The following CDH13 variants were observed in gnomAD, a reference collection of about 807,000 sequenced individuals.
CDH13 encodes cadherin 13.
In CDH13, 24 loss-of-function variants were observed where a neutral mutation model predicts 63.8. The observed-to-expected ratio is 0.38, with a 90% CI of 0.27 to 0.53. The LOEUF (loss-of-function observed/expected upper bound fraction) is 0.53, where lower values mean the gene tolerates loss of function less well. CDH13 is among the 20% of genes least tolerant of loss of function. The probability of loss-of-function intolerance (pLI) is 0.85; values close to 1 mark genes in which losing one functional copy is unlikely to be tolerated. For synonymous variants in CDH13, 503 were observed against 355.3 expected, an observed-to-expected ratio of 1.42 and a Z score of -4.67; for missense variants, 1,049 against 903.1, an observed-to-expected ratio of 1.16 and a Z score of -2.07.
chr16:83,131,031 C>G (rs2036021059), intron 4 of CDH13, among the ~76,000 whole-genome samples: 1 of 152,192 alleles, frequency 6.6e-6, no homozygotes, highest in Admixed American at 6.5e-5. Flanking sequence ...ATTTATCTGT[C>G]TGCCAAGTAA....
intron 6 of CDH13, among the ~76,000 whole-genome samples, chr16:83,464,593 C>A (rs913540719): frequency 6.6e-6 from 1 of 152,114 alleles, no homozygotes; most frequent in Non-Finnish European, 1.5e-5. Flanking sequence ...CTCCTGACCT[C>A]AGGTGATCCA....
chr16:83,786,388 G>C (rs1429532473), intron 13 of CDH13, among the ~76,000 whole-genome samples: 1 of 152,130 alleles, frequency 6.6e-6, no homozygotes, highest in East Asian at 1.9e-4. Flanking sequence ...GAATTCCTGA[G>C]CTCAGTGCCC....
At chr16:83,034,413 C>G (rs989830871) in intron 3 of CDH13, among the ~76,000 whole-genome samples, 8 of 152,178 alleles carry the variant, frequency 5.3e-5, no homozygotes, top group African/African-American at 1.9e-4. Flanking sequence ...TCAGAGGAAA[C>G]TGGATATTGG....
chr16:82,982,398 A>C (rs1165987605), intron 2 of CDH13, among the ~76,000 whole-genome samples: 2 of 152,210 alleles, frequency 1.3e-5, no homozygotes, highest in African/African-American at 2.4e-5. Context: ...AAATACCACA[A>C]ATTTATTATC....
At chr16:83,285,668 G>A (rs1057468966) in intron 5 of CDH13, among the ~76,000 whole-genome samples, 2 of 152,142 alleles carry the variant, frequency 1.3e-5, no homozygotes, top group African/African-American at 2.4e-5. Flanking sequence ...GTTGCATGCC[G>A]ATACTTTGCC....
intron 5 of CDH13, among the ~76,000 whole-genome samples, chr16:83,262,839 G>A (rs555016280): frequency 4.6e-5 from 7 of 152,086 alleles, no homozygotes; most frequent in South Asian, 2.1e-4. Flanking sequence ...TTCTCCCAAC[G>A]CTTTTATGTT....
chr16:83,784,173 G>A (rs1056268860), intron 13 of CDH13, among the ~76,000 whole-genome samples: 5 of 152,166 alleles, frequency 3.3e-5, no homozygotes, highest in African/African-American at 4.8e-5. Flanking sequence ...TTTTGAGAAC[G>A]TATCGGTGTA....
At chr16:83,502,867 A>T (rs2074312882) in intron 7 of CDH13, among the ~76,000 whole-genome samples, 1 of 152,220 alleles carries the variant, frequency 6.6e-6, no homozygotes, top group Non-Finnish European at 1.5e-5. Flanking sequence ...TTTCTCAGGC[A>T]TCTCCATCGA....
intron 4 of CDH13, among the ~76,000 whole-genome samples, chr16:83,134,255 C>G (rs1286147265): frequency 6.6e-6 from 1 of 152,078 alleles, no homozygotes; most frequent in Non-Finnish European, 1.5e-5. Flanking sequence ...TGCAGTGGCA[C>G]AATCTTGGCT....
At chr16:82,732,336 A>G (rs1030897375) in intron 1 of CDH13, among the ~76,000 whole-genome samples, 14 of 152,202 alleles carry the variant, frequency 9.2e-5, no homozygotes, top group African/African-American at 3.1e-4. Context: ...GTTAAGTACT[A>G]ATTCAGCAAG....
chr16:83,717,604 A>G (rs1419817433), intron 10 of CDH13, among the ~76,000 whole-genome samples: 1 of 152,236 alleles, frequency 6.6e-6, no homozygotes, highest in African/African-American at 2.4e-5. Flanking sequence ...TCTTCATTTA[A>G]TGATCACGGG....
At chr16:82,915,258 G>T (rs575985959) in intron 2 of CDH13, among the ~76,000 whole-genome samples, 6 of 152,120 alleles carry the variant, frequency 3.9e-5, no homozygotes. Flanking sequence ...ATTTAATATC[G>T]CAAGAGTCTA....
At chr16:83,007,329 A>G (rs1261922273) in intron 2 of CDH13, among the ~76,000 whole-genome samples, 1 of 152,220 alleles carries the variant, frequency 6.6e-6, no homozygotes, top group African/African-American at 2.4e-5. Context: ...AGTCTTCACT[A>G]TAATCCATGA....
intron 8 of CDH13, among the ~76,000 whole-genome samples, chr16:83,610,536 C>G (rs1186974822): frequency 6.6e-6 from 1 of 152,196 alleles, no homozygotes; most frequent in Non-Finnish European, 1.5e-5. Flanking sequence ...AGCTCCTCTC[C>G]TGACGTCTTT....
intron 8 of CDH13, among the ~76,000 whole-genome samples, chr16:83,626,552 G>T (rs912472545): frequency 5.3e-5 from 8 of 152,166 alleles, no homozygotes; most frequent in East Asian, 1.9e-4. Context: ...CCTGGACTGG[G>T]TGGGGCTGAC....
chr16:82,688,335 A>T (rs532519896), intron 1 of CDH13, among the ~76,000 whole-genome samples: 9 of 152,320 alleles, frequency 5.9e-5, no homozygotes, highest in Admixed American at 2.0e-4. Context: ...GGCAAACCAT[A>T]TGCCTTAGGC....
rs371073783 is a variant in CDH13, at chr16:83,357,651, A to G, written c.781+12645A>G. ...AACTGGCATCGAGCGGGCCAAGGTC[A>G]AGGACTGGTAAACATACGTCAATGC... is the stretch of plus-strand genomic sequence containing the variant. On this transcript the variant is annotated intron_variant, in intron 6 of 13. Transcript: ENST00000567109. Among the ~76,000 whole-genome samples the G allele has an allele frequency of 3.2e-4, 48 of 152,318 alleles. No individual in the cohort carries two copies. The South Asian group carries it at 8.5e-3, about 27-fold the overall frequency.
intron 5 of CDH13, among the ~76,000 whole-genome samples, chr16:83,325,679 C>G (rs1031638897): frequency 6.6e-6 from 1 of 152,154 alleles, no homozygotes; most frequent in Non-Finnish European, 1.5e-5. Context: ...ATACTTGATA[C>G]CTTCACGCTC....
intron 2 of CDH13, among the ~76,000 whole-genome samples, chr16:82,866,113 A>G (rs2040128266): frequency 6.6e-6 from 1 of 152,208 alleles, no homozygotes; most frequent in Non-Finnish European, 1.5e-5. Context: ...CAAGTTCCTC[A>G]TCACCCTCTG....
Sources: gnomAD v4.1 joint callset for allele counts (sites outside exome capture counted in the v4.1 genomes callset) on GRCh38, gnomAD v4.1.1 for gene constraint, MANE v1.5 for transcripts, NCBI Gene and HGNC (gene_info 2026-07-23, HGNC 2026-07-21) for gene names.